The following STX12 variants were observed in gnomAD, a reference collection of about 807,000 sequenced individuals.
STX12 encodes syntaxin-12.
In STX12, 17 loss-of-function variants were observed where a neutral mutation model predicts 42.2. That is an observed-to-expected ratio of 0.40 (90% CI 0.28 to 0.60). STX12 has a LOEUF of 0.60. Among genes scored for constraint, STX12 ranks in the 20% least tolerant of loss-of-function variants. The probability of loss-of-function intolerance (pLI) is 0.39; values close to 1 mark genes in which losing one functional copy is unlikely to be tolerated. For missense variants in STX12, 297 were observed against 330.9 expected, an observed-to-expected ratio of 0.90 and a Z score of 0.79; for synonymous variants, 108 against 116.7, an observed-to-expected ratio of 0.93 and a Z score of 0.48.
chr1:27,801,974 A>T (rs1322240622), intron 4 of STX12, 159 bp downstream of exon 4: 82 of 649,772 alleles, frequency 1.3e-4, no homozygotes, highest in Non-Finnish European at 1.5e-4. Flanking sequence ...TATGCATGTG[A>T]TCAAAGCCTA....
chr1:27,800,141 A>T (rs1006055689), intron 3 of STX12, among the ~76,000 whole-genome samples: 1 of 152,214 alleles, frequency 6.6e-6, no homozygotes, highest in African/African-American at 2.4e-5. Flanking sequence ...CTAAACGTGT[A>T]GTTCCAACCA....
At chr1:27,788,095 T>C (rs2088711173) in intron 1 of STX12, among the ~76,000 whole-genome samples, 1 of 152,210 alleles carries the variant, frequency 6.6e-6, no homozygotes, top group Non-Finnish European at 1.5e-5. Flanking sequence ...TATTGTGTTA[T>C]GTGATTTCTT....
intron 1 of STX12, among the ~76,000 whole-genome samples, chr1:27,780,299 C>T (rs750767498): frequency 6.7e-6 from 1 of 150,322 alleles, no homozygotes; most frequent in Non-Finnish European, 1.5e-5. Context: ...ACTTCCGCCT[C>T]CCAGATTCAA....
intron 4 of STX12, among the ~76,000 whole-genome samples, chr1:27,803,054 C>T (rs1365192565): frequency 1.3e-5 from 2 of 151,838 alleles, no homozygotes; most frequent in Non-Finnish European, 2.9e-5. Context: ...AGGTTAAATA[C>T]GGAAGAAAGA....
chr1:27,797,097 G>C (rs888914695), intron 3 of STX12, among the ~76,000 whole-genome samples: 6 of 151,508 alleles, frequency 4.0e-5, no homozygotes, highest in African/African-American at 1.5e-4. Context: ...ACTCCAACCA[G>C]ATCAGTGGCA....
At chr1:27,815,502 T>G (rs898209501) in intron 6 of STX12, among the ~76,000 whole-genome samples, 1 of 152,150 alleles carries the variant, frequency 6.6e-6, no homozygotes, top group African/African-American at 2.4e-5. Flanking sequence ...TTCTGCAGAG[T>G]CTTCCTTTTC....
At chr1:27,779,372 C>T (rs546277766) in intron 1 of STX12, among the ~76,000 whole-genome samples, 12 of 147,220 alleles carry the variant, frequency 8.2e-5, no homozygotes, top group African/African-American at 3.2e-4. Flanking sequence ...CTCACTCTGT[C>T]GCCCAGGCTG....
intron 6 of STX12, among the ~76,000 whole-genome samples, chr1:27,813,558 A>G (rs566285755): frequency 1.9e-3 from 282 of 152,196 alleles, no homozygotes; most frequent in Non-Finnish European, 3.3e-3. Flanking sequence ...AGGGGAGGAG[A>G]AAAGGAGAGA....
chr1:27,798,698 C>CGA (rs952173506), intron 3 of STX12, among the ~76,000 whole-genome samples: 5 of 130,632 alleles, frequency 3.8e-5, no homozygotes, highest in Admixed American at 2.6e-4. Context: ...GGTGACAGAG[C>CGA]GAGACTCCAT....
In STX12 at chr1:27,793,678, T is replaced by A. The variant is rs145732585; in HGVS notation, c.288+46T>A. On this transcript the variant is annotated intron_variant, in intron 3 of 8. Transcript: ENST00000373943. ...TTATTAATAGGAAAGGACTTTGTGTTAGTAGAAAGGCAGTGTGTAGAACAA... is the reference window on the plus strand; with the variant it reads ...TTATTAATAGGAAAGGACTTTGTGTAAGTAGAAAGGCAGTGTGTAGAACAA... 1.8e-3 allele frequency: 2,817 copies of A among 1,522,874 alleles called. 2 individuals carry two copies. Among genetic ancestry groups the A allele is most frequent in the South Asian group, 2.3e-3 (200 of 88,848 alleles). 94.3% of individuals were successfully genotyped at this position (1,522,874 alleles called of 1,614,324 possible). A position where few individuals can be genotyped will look rare whatever the true frequency, so the allele number is the denominator to read the frequency against.
chr1:27,792,296 ATATG>A (rs1476239853), intron 2 of STX12, among the ~76,000 whole-genome samples: 3 of 139,176 alleles, frequency 2.2e-5, no homozygotes, highest in Non-Finnish European at 4.6e-5. Context: ...AGATACATAT[ATATG>A]TATCTATATA....
At chr1:27,813,309 G>A (rs374943537) in intron 6 of STX12, among the ~76,000 whole-genome samples, 2 of 151,748 alleles carry the variant, frequency 1.3e-5, no homozygotes, top group African/African-American at 2.4e-5. Flanking sequence ...CTGAATAGCC[G>A]AGACTACCAG....
intron 3 of STX12, among the ~76,000 whole-genome samples, chr1:27,799,474 C>CTTT (rs1557803049): frequency 7.8e-6 from 1 of 128,680 alleles, no homozygotes; most frequent in African/African-American, 4.7e-5. Context: ...AACTCATTAG[C>CTTT]TTGTTTTTTT....
At chr1:27,781,934 T>G (rs762147522) in intron 1 of STX12, among the ~76,000 whole-genome samples, 1 of 152,178 alleles carries the variant, frequency 6.6e-6, no homozygotes, top group Non-Finnish European at 1.5e-5. Context: ...TGTTCTAAAT[T>G]TAGCTTCGTA....
At chr1:27,781,382 C>G (rs2088667329) in intron 1 of STX12, among the ~76,000 whole-genome samples, 1 of 152,184 alleles carries the variant, frequency 6.6e-6, no homozygotes, top group African/African-American at 2.4e-5. Flanking sequence ...AATCCCTTGC[C>G]CTGCAATAGT....
At chr1:27,803,514 GT>G (rs758892826) in intron 4 of STX12, among the ~76,000 whole-genome samples, 7 of 152,102 alleles carry the variant, frequency 4.6e-5, no homozygotes, top group Non-Finnish European at 8.8e-5. Context: ...TCAAAAGAGA[GT>G]TTTCTGTCAG....
At chr1:27,798,387 A>G (rs141263006) in intron 3 of STX12, among the ~76,000 whole-genome samples, 131 of 151,606 alleles carry the variant, frequency 8.6e-4, no homozygotes, top group Middle Eastern at 3.4e-3. Flanking sequence ...GCTCATGCCT[A>G]TAATCCCAGC....
At chr1:27,793,436 A>C (rs1048222832) in intron 2 of STX12, 97 bp from the exon 3 acceptor site, 5 of 1,000,736 alleles carry the variant, frequency 5.0e-6, no homozygotes, top group Non-Finnish European at 7.6e-6. Flanking sequence ...ATGGCCCTTC[A>C]TTCCCTACGT....
intron 1 of STX12, among the ~76,000 whole-genome samples, chr1:27,781,302 C>G (rs546026290): frequency 1.3e-5 from 2 of 152,220 alleles, no homozygotes; most frequent in South Asian, 2.1e-4. Context: ...CTGCAGCCTC[C>G]CAAAGTGCTG....
Sources: gnomAD v4.1 joint callset for allele counts (sites outside exome capture counted in the v4.1 genomes callset) on GRCh38, gnomAD v4.1.1 for gene constraint, MANE v1.5 for transcripts, NCBI Gene and HGNC (gene_info 2026-07-23, HGNC 2026-07-21) for gene names.